The following MAP3K14 variants were observed in gnomAD, a reference collection of about 807,000 sequenced individuals.
The protein encoded by MAP3K14 is NF-kappa-beta-inducing kinase.
MAP3K14 carries 16 observed loss-of-function variants against 99.2 expected under a neutral mutation model. The observed-to-expected ratio is 0.16, with a 90% CI of 0.11 to 0.24. The LOEUF is 0.24. MAP3K14 is among the 10% of genes least tolerant of loss of function. MAP3K14 has a pLI of 1.00. For missense variants in MAP3K14, 784 were observed against 1,208.7 expected (o/e 0.65, Z 5.21); for synonymous variants, 462 against 492.4 (o/e 0.94, Z 0.82).
At position 45,267,057 on chromosome 17, in the gene MAP3K14, C is replaced by A; in HGVS notation, c.2433+35G>T. ...TGCCAGGGCCGGGAAAACCACACCC[C>A]TGGAGCCATGGCTCCGGGGCCACAA... is the stretch of plus-strand genomic sequence containing the variant. On this transcript the variant is annotated intron_variant, in intron 13 of 15. Transcript: ENST00000344686. The surrounding 1 kb of genome is among the most constrained non-coding windows in gnomAD (Gnocchi z 5.1). 1 of 1,490,212 alleles carries A rather than the reference C, an allele frequency of 6.7e-7. No homozygotes were observed. Among genetic ancestry groups the A allele is most frequent in the Non-Finnish European group, 9.2e-7 (1 of 1,090,558 alleles). 92.3% of individuals were successfully genotyped at this position (1,490,212 alleles called of 1,614,324 possible).
At chr17:45,279,160 G>A (rs1265552862) in intron 6 of MAP3K14, among the ~76,000 whole-genome samples, 4 of 152,018 alleles carry the variant, frequency 2.6e-5, no homozygotes, top group Non-Finnish European at 4.4e-5. Flanking sequence ...ACGGAGTTTC[G>A]CTCTTGTTGC....
intron 6 of MAP3K14, among the ~76,000 whole-genome samples, chr17:45,278,217 TA>T (rs1298324933): frequency 1.3e-5 from 2 of 152,154 alleles, no homozygotes; most frequent in Non-Finnish European, 2.9e-5. Context: ...CCGTCCATGC[TA>T]AAAATATTTC....
Position 45,286,797 on chromosome 17 carries a change from T to G in MAP3K14, c.786A>C (p.Arg262Ser), listed in dbSNP as rs1353220760. 18 of 1,613,106 alleles carry G rather than the reference T, an allele frequency of 1.1e-5. No homozygotes were observed. The highest frequency in any genetic ancestry group is 1.4e-5 in the Non-Finnish European group (17 of 1,179,518). ...GGTGGAATGGGAAGGGATGAGGCAG[T>G]CTGCTATAGGGGAAGGGGTGCGTGG... ...PLPTHPFPYSRLPHPFPFHPL... is the reference protein window; with the variant it reads ...PLPTHPFPYSSLPHPFPFHPL... Residue 262 changes from arginine to serine, a missense_variant, in exon 5 of 16, where the codon AGA becomes AGC. Around this residue, in one of 5 missense-constraint regions of MAP3K14, gnomAD observed 138 missense variants for 164.1 expected, o/e 0.84. Coordinates refer to ENST00000344686, the MANE Select transcript of MAP3K14 (RefSeq NM_003954.5). The surrounding 1 kb of genome is among the most constrained non-coding windows in gnomAD (Gnocchi z 4.1).
intron 1 of MAP3K14, 31 bp from the exon 2 acceptor site, chr17:45,290,796 T>G: frequency 6.3e-7 from 1 of 1,591,204 alleles, no homozygotes; most frequent in South Asian, 1.1e-5. Flanking sequence ...AGCAGGTCAC[T>G]TAGAATCCCA....
intron 1 of MAP3K14, among the ~76,000 whole-genome samples, chr17:45,294,980 G>A (rs1000476326): frequency 6.6e-6 from 1 of 152,248 alleles, no homozygotes; most frequent in Non-Finnish European, 1.5e-5. Flanking sequence ...CTGAGGTGAT[G>A]AGAGCGGTGT....
At chr17:45,274,952 A>C (rs1309237093) in intron 6 of MAP3K14, among the ~76,000 whole-genome samples, 1 of 151,368 alleles carries the variant, frequency 6.6e-6, no homozygotes, top group Non-Finnish European at 1.5e-5. Context: ...CCTGGCTAAC[A>C]CAGTGAAACC....
intron 1 of MAP3K14, among the ~76,000 whole-genome samples, chr17:45,294,286 G>A (rs1324693689): frequency 6.6e-6 from 1 of 152,192 alleles, no homozygotes; most frequent in African/African-American, 2.4e-5. Context: ...CATATTCTTT[G>A]AGGCCTGATG....
intron 1 of MAP3K14, among the ~76,000 whole-genome samples, chr17:45,307,568 G>T (rs1184484616): frequency 6.6e-6 from 1 of 152,074 alleles, no homozygotes; most frequent in African/African-American, 2.4e-5. Context: ...AACCTTTTGG[G>T]GTGGATTCTG....
chr17:45,284,680 A>T, intron 6 of MAP3K14, 132 bp downstream of exon 6: 1 of 1,193,452 alleles, frequency 8.4e-7, no homozygotes, highest in Non-Finnish European at 1.1e-6. Context: ...TCAGGTGGCT[A>T]GTGATAGCCA....
Position 45,287,295 on chromosome 17 carries a change from C to A in MAP3K14, c.396G>T (p.Val132=). ...AHATEGKMAR[V]CWKGKRRSKA... is the part of the protein sequence containing the mutation. ...TGCTGCGACGCTTTCCCTTCCAACACACACGGGCCATTTTGCCCTCTGTAG... is the reference window on the plus strand; with the variant it reads ...TGCTGCGACGCTTTCCCTTCCAACAAACACGGGCCATTTTGCCCTCTGTAG... Residue 132 remains valine (V), a synonymous_variant, in exon 4 of 16, where the codon GTG becomes GTT. Coordinates refer to ENST00000344686, the MANE Select transcript of MAP3K14 (RefSeq NM_003954.5). The A allele has an allele frequency of 6.2e-7, 1 of 1,614,050 alleles. No individual in the cohort carries two copies. The highest frequency in any genetic ancestry group is 1.1e-5 in the South Asian group (1 of 91,084).
At chr17:45,299,622 C>A (rs372815452) in intron 1 of MAP3K14, among the ~76,000 whole-genome samples, 1 of 152,210 alleles carries the variant, frequency 6.6e-6, no homozygotes, top group East Asian at 1.9e-4. Context: ...GAGTGAAACG[C>A]AGCTGGAGGA....
intron 1 of MAP3K14, among the ~76,000 whole-genome samples, chr17:45,306,093 T>C (rs540695912): frequency 1.3e-5 from 2 of 152,344 alleles, no homozygotes; most frequent in East Asian, 3.9e-4. Flanking sequence ...ACAGCTATTA[T>C]TATCTGCCAT....
At chr17:45,289,379 C>A (rs1281364227) in intron 2 of MAP3K14, 74 bp from the exon 3 acceptor site, 2 of 1,218,570 alleles carry the variant, frequency 1.6e-6, no homozygotes, top group East Asian at 2.3e-5. Flanking sequence ...AGACATTTTA[C>A]AGAGATCCCC....
At chr17:45,293,691 G>C (rs1345412240) in intron 1 of MAP3K14, among the ~76,000 whole-genome samples, 1 of 152,172 alleles carries the variant, frequency 6.6e-6, no homozygotes, top group African/African-American at 2.4e-5. Flanking sequence ...TCCTCCTGTG[G>C]CTGGCTTTTC....
chr17:45,288,894 C>T (rs928207278), intron 3 of MAP3K14, among the ~76,000 whole-genome samples: 13 of 152,252 alleles, frequency 8.5e-5, no homozygotes, highest in East Asian at 7.7e-4. Flanking sequence ...ACCCGGCCTG[C>T]GCTCACGGTC....
At position 45,273,778 on chromosome 17, in the gene MAP3K14, A is replaced by C. The variant is rs1426982798; in HGVS notation, c.1553-171T>G. The C allele has an allele frequency of 4.3e-6, 3 of 695,732 alleles. No individual in the cohort carries two copies. In the Admixed American group the frequency reaches 6.0e-5, roughly 14 times the overall value. The allele number at this position is 695,732 out of a possible 1,614,324, so 43.1% of individuals were successfully genotyped here. A position where few individuals can be genotyped will look rare whatever the true frequency, so the allele number is the denominator to read the frequency against. On this transcript the variant is annotated intron_variant, in intron 8 of 15. Transcript: ENST00000344686. Reference sequence around the variant, plus strand: ...TCGTGGAGGAAGGGAGGAGGGTATCAATTCAGGCTAGAGGTAGGCAGGATC... The same window carrying C: ...TCGTGGAGGAAGGGAGGAGGGTATCCATTCAGGCTAGAGGTAGGCAGGATC...
chr17:45,294,079 C>T (rs1444548262), intron 1 of MAP3K14, among the ~76,000 whole-genome samples: 1 of 152,196 alleles, frequency 6.6e-6, no homozygotes, highest in Non-Finnish European at 1.5e-5. Flanking sequence ...ATGTCTCTGC[C>T]TTTGAAGGCA....
At chr17:45,285,084 T>C in intron 5 of MAP3K14, 135 bp from the exon 6 acceptor site, 1 of 945,256 alleles carries the variant, frequency 1.1e-6, no homozygotes, top group South Asian at 1.7e-5. Context: ...CAGGCAGCCC[T>C]GGGGCGAAGG....
At chr17:45,284,766 C>G (rs747308623) in intron 6 of MAP3K14, 46 bp downstream of exon 6, 1 of 1,549,530 alleles carries the variant, frequency 6.5e-7, no homozygotes, top group Non-Finnish European at 8.7e-7. Flanking sequence ...ACACCAGGCC[C>G]CCTTCCTGGC....
Sources: allele counts gnomAD v4.1 joint callset (sites outside exome capture counted in the v4.1 genomes callset), GRCh38; gene constraint gnomAD v4.1.1; regional missense constraint gnomAD v4.1.1; non-coding constraint Gnocchi (gnomAD v3.1); transcripts MANE v1.5; gene names NCBI Gene and HGNC (gene_info 2026-07-23, HGNC 2026-07-21).